SLC4A4: variants seen among roughly 807,000 people sequenced by gnomAD.
SLC4A4 encodes the protein solute carrier family 4 member 4, also known as electrogenic sodium bicarbonate cotransporter 1.
Under a neutral mutation model 111.5 loss-of-function variants are expected in SLC4A4, and 27 were observed. That is an observed-to-expected ratio of 0.24 (90% CI 0.18 to 0.33). The LOEUF (loss-of-function observed/expected upper bound fraction) is 0.33, where lower values mean the gene tolerates loss of function less well. Ranked by LOEUF, SLC4A4 falls within the 10% of genes least tolerant of loss-of-function variation. The pLI is 1.00. For synonymous variants in SLC4A4, 443 were observed against 463.4 expected, an observed-to-expected ratio of 0.96 and a Z score of 0.57; for missense variants, 909 against 1,315.5, an observed-to-expected ratio of 0.69 and a Z score of 4.78.
At chr4:71,289,555 A>G (rs946622461) in intron 3 of SLC4A4, among the ~76,000 whole-genome samples, 1 of 152,220 alleles carries the variant, frequency 6.6e-6, no homozygotes, top group African/African-American at 2.4e-5. Flanking sequence ...AGTTGAGAAC[A>G]CTTGCAAAGT....
At chr4:71,252,892 G>A (rs1432818863) in intron 2 of SLC4A4, among the ~76,000 whole-genome samples, 4 of 152,086 alleles carry the variant, frequency 2.6e-5, no homozygotes, top group Non-Finnish European at 1.5e-5. Context: ...GGATTTTATT[G>A]TTTATAAATT....
upstream of SLC4A4, among the ~76,000 whole-genome samples, chr4:71,185,977 G>A (rs1381109486): frequency 6.6e-6 from 1 of 152,168 alleles, no homozygotes; most frequent in Non-Finnish European, 1.5e-5. Flanking sequence ...ACACTTGCAT[G>A]ATATACCATG....
At chr4:71,528,975 T>A (rs1733684759) in intron 16 of SLC4A4, among the ~76,000 whole-genome samples, 1 of 152,120 alleles carries the variant, frequency 6.6e-6, no homozygotes, top group African/African-American at 2.4e-5. Flanking sequence ...TATTCTACAA[T>A]GAACATATAT....
At chr4:71,266,698 A>C (rs1722288673) in intron 3 of SLC4A4, among the ~76,000 whole-genome samples, 1 of 152,154 alleles carries the variant, frequency 6.6e-6, no homozygotes, top group Non-Finnish European at 1.5e-5. Context: ...GTAAGCTTGT[A>C]AGCTTGTCAT....
At chr4:71,536,577 A>C (rs1487351834) in intron 18 of SLC4A4, among the ~76,000 whole-genome samples, 2 of 147,914 alleles carry the variant, frequency 1.4e-5, no homozygotes, top group Non-Finnish European at 3.0e-5. Context: ...GCTCAATTCA[A>C]CTTCTGCCTC....
intron 2 of SLC4A4, among the ~76,000 whole-genome samples, chr4:71,152,099 A>G (rs1420014313): frequency 3.9e-5 from 6 of 152,122 alleles, no homozygotes; most frequent in African/African-American, 1.4e-4. Context: ...ATCTATAAAT[A>G]ATTTAAGAAA....
intron 2 of SLC4A4, among the ~76,000 whole-genome samples, chr4:71,098,340 G>A (rs1742619758): frequency 6.6e-6 from 1 of 152,078 alleles, no homozygotes; most frequent in Non-Finnish European, 1.5e-5. Context: ...GATCATAGGT[G>A]TGTGGTCTTA....
chr4:71,253,919 C>T (rs1721255575), intron 2 of SLC4A4, among the ~76,000 whole-genome samples: 1 of 152,152 alleles, frequency 6.6e-6, no homozygotes, highest in Admixed American at 6.6e-5. Context: ...TTCTGCATTG[C>T]TTAGCTGGAA....
chr4:71,204,554 C>T (rs1402980936), intron 1 of SLC4A4, among the ~76,000 whole-genome samples: 1 of 152,060 alleles, frequency 6.6e-6, no homozygotes, highest in East Asian at 1.9e-4. Context: ...TTTTGCAATA[C>T]TATTTTTTAA....
chr4:71,178,484 G>A (rs918705368), intron 2 of SLC4A4, among the ~76,000 whole-genome samples: 7 of 151,888 alleles, frequency 4.6e-5, no homozygotes, highest in Non-Finnish European at 8.8e-5. Flanking sequence ...AGAAAAGAGA[G>A]AAGAATCAAA....
At chr4:71,247,300 T>C (rs1720745622) in intron 2 of SLC4A4, among the ~76,000 whole-genome samples, 1 of 148,236 alleles carries the variant, frequency 6.7e-6, no homozygotes, top group Non-Finnish European at 1.5e-5. Flanking sequence ...CCATATGTAA[T>C]ATTTTGCATA....
intron 6 of SLC4A4, among the ~76,000 whole-genome samples, chr4:71,362,010 A>G (rs1730837087): frequency 6.6e-6 from 1 of 152,150 alleles, no homozygotes; most frequent in South Asian, 2.1e-4. Context: ...GTCTTATCCC[A>G]AAGCTTGCAA....
Position 71,440,690 on chromosome 4 carries a change from T to C in SLC4A4, c.882T>C (p.Phe294=), listed in dbSNP as rs202176216. The change falls in exon 8 of 26, where the codon TTT becomes TTC. Residue 294 remains phenylalanine, a synonymous_variant. Transcript: ENST00000264485. ...ASNVLVGEVD[F]LDTPFIAFVR... is the part of the protein sequence containing the mutation. ...ACGTGCTTGTTGGGGAGGTTGACTTTTTGGATACTCCTTTCATTGCCTTTG... is the reference window on the plus strand; with the variant it reads ...ACGTGCTTGTTGGGGAGGTTGACTTCTTGGATACTCCTTTCATTGCCTTTG... 3.9e-5 allele frequency: 63 copies of C among 1,614,126 alleles called. No individual in the cohort carries two copies. In the East Asian group the frequency reaches 1.4e-3, roughly 36 times the overall value.
At chr4:71,513,251 A>C (rs1220357016) in intron 16 of SLC4A4, among the ~76,000 whole-genome samples, 1 of 152,110 alleles carries the variant, frequency 6.6e-6, no homozygotes, top group Non-Finnish European at 1.5e-5. Flanking sequence ...AATGGTATTA[A>C]TGCTTCTGAT....
At chr4:71,284,881 A>T (rs1723791252) in intron 3 of SLC4A4, among the ~76,000 whole-genome samples, 1 of 152,152 alleles carries the variant, frequency 6.6e-6, no homozygotes, top group Non-Finnish European at 1.5e-5. Context: ...TGACTTAGAC[A>T]CTTTGGGTAA....
At chr4:71,471,991 A>G (rs1329439271) in intron 13 of SLC4A4, among the ~76,000 whole-genome samples, 2 of 151,874 alleles carry the variant, frequency 1.3e-5, no homozygotes, top group African/African-American at 4.8e-5. Flanking sequence ...CTGATGACAG[A>G]TCATATTTCT....
At chr4:71,266,375 T>C (rs1435655685) in intron 3 of SLC4A4, among the ~76,000 whole-genome samples, 5 of 152,242 alleles carry the variant, frequency 3.3e-5, no homozygotes, top group Non-Finnish European at 1.5e-5. Flanking sequence ...GTGGCTTGCT[T>C]CCTTGAAATC....
intron 1 of SLC4A4, among the ~76,000 whole-genome samples, chr4:71,226,268 C>G (rs1578626572): frequency 6.6e-6 from 1 of 152,328 alleles, no homozygotes; most frequent in East Asian, 1.9e-4. Flanking sequence ...CCTCAGCCTT[C>G]CTAGTAGCTG....
At chr4:71,443,842 A>G (rs989200023) in intron 8 of SLC4A4, among the ~76,000 whole-genome samples, 1 of 152,164 alleles carries the variant, frequency 6.6e-6, no homozygotes, top group Non-Finnish European at 1.5e-5. Context: ...TAATTGTCAA[A>G]GCCATTAAAA....
Sources: allele counts gnomAD v4.1 joint callset (sites outside exome capture counted in the v4.1 genomes callset), GRCh38; gene constraint gnomAD v4.1.1; transcripts MANE v1.5; gene names NCBI Gene and HGNC (gene_info 2026-07-23, HGNC 2026-07-21).